Variants in ELMO2 observed in about 807,000 individuals in gnomAD.
ELMO2 encodes engulfment and cell motility protein 2.
Under a neutral mutation model 96.2 loss-of-function variants are expected in ELMO2, and 37 were observed. That is an observed-to-expected ratio of 0.38 (90% confidence interval 0.30 to 0.51). The LOEUF (loss-of-function observed/expected upper bound fraction) is 0.51, where lower values mean the gene tolerates loss of function less well. Among genes scored for constraint, ELMO2 ranks in the 20% least tolerant of loss-of-function variants. ELMO2 has a pLI of 0.88. For missense variants in ELMO2, 561 were observed against 912.6 expected (o/e 0.61, Z 4.96); for synonymous variants, 315 against 329.4 (o/e 0.96, Z 0.47).
intron 11 of ELMO2, chr20:46,376,686 T>A (rs1600836314): frequency 7.8e-7 from 1 of 1,289,476 alleles, no homozygotes; most frequent in East Asian, 5.6e-5. Context: ...TATTTGTCAC[T>A]CCCTCTGTCT....
chr20:46,393,334 C>T (rs2060187036), intron 5 of ELMO2, among the ~76,000 whole-genome samples, 191 bp from the exon 6 acceptor site: 1 of 152,194 alleles, frequency 6.6e-6, no homozygotes, highest in African/African-American at 2.4e-5. Flanking sequence ...CCTGGGCACT[C>T]AGGAAGTAAA....
chr20:46,370,652 C>T (rs551445133), intron 19 of ELMO2, 127 bp from the exon 20 acceptor site: 5 of 837,358 alleles, frequency 6.0e-6, no homozygotes, highest in Admixed American at 4.3e-5. Context: ...CCAAGGGCTG[C>T]TGTATGAGCT....
At position 46,389,060 on chromosome 20, in the gene ELMO2, C is replaced by T; in HGVS notation, c.404G>A (p.Ser135Asn). 1 of 1,613,972 alleles carries T rather than the reference C, an allele frequency of 6.2e-7. No homozygotes were observed. The highest frequency in any genetic ancestry group is 1.1e-5 in the South Asian group (1 of 91,072). Residue 135 changes from serine to asparagine, a missense_variant, in exon 7 of 22, where the codon AGT becomes AAT. Physicochemically the swap from Ser to Asn is conservative, Grantham distance 46. Transcript: ENST00000290246. ...TCACTGGGACAAGAGCTTGGTTCCA[C>T]TTTCCACGAGCCTTGTCAGCACAAT... Reference protein sequence around the residue: ...GIIVLTRLVESGTKLLSHYSE... With the variant: ...GIIVLTRLVENGTKLLSHYSE...
At chr20:46,392,427 T>C (rs2060166518) in intron 6 of ELMO2, among the ~76,000 whole-genome samples, 1 of 152,242 alleles carries the variant, frequency 6.6e-6, no homozygotes, top group African/African-American at 2.4e-5. Context: ...CTTATTAGCC[T>C]CTTCAAAGGT....
chr20:46,368,997 G>A (rs920023712), intron 20 of ELMO2, 29 bp from the exon 21 acceptor site: 8 of 1,607,142 alleles, frequency 5.0e-6, no homozygotes, highest in East Asian at 4.5e-5. Flanking sequence ...AAATTAGAGC[G>A]ATGGAACAGC....
intron 4 of ELMO2, 78 bp from the exon 5 acceptor site, chr20:46,393,679 G>A: frequency 6.7e-7 from 1 of 1,481,878 alleles, no homozygotes; most frequent in Non-Finnish European, 9.4e-7. Context: ...TTTCAAAAGA[G>A]TTGCTCAAGG....
At position 46,393,153 on chromosome 20, in the gene ELMO2, G is replaced by A. The variant is rs762933530; in HGVS notation, c.193-10C>T. On this transcript the variant is annotated splice_polypyrimidine_tract_variant and intron_variant, in intron 5 of 21. Transcript: ENST00000290246. The stretch of plus-strand genomic sequence containing the variant: ...TAATGTCACTGCGAGTCTGGGTAGT[G>A]AAAAATAAACAAAAAAAGTAACTAA... The A allele has an allele frequency of 1.2e-6, 2 of 1,613,606 alleles. No individual in the cohort carries two copies. The highest frequency in any genetic ancestry group is 2.2e-5 in the East Asian group (1 of 44,870).
chr20:46,387,988 T>C (rs1457777190), intron 7 of ELMO2, among the ~76,000 whole-genome samples: 1 of 152,268 alleles, frequency 6.6e-6, no homozygotes, highest in Non-Finnish European at 1.5e-5. Flanking sequence ...AAAGCTCTTA[T>C]TCTAGTGCTG....
At position 46,368,963 on chromosome 20, in the gene ELMO2, C is replaced by A; in HGVS notation, c.1890G>T (p.Val630=). 6.2e-7 allele frequency: 1 copy of A among 1,614,190 alleles called. No homozygotes were observed. The highest frequency in any genetic ancestry group is 1.1e-5 in the South Asian group (1 of 91,088). Residue 630 remains valine, a synonymous_variant, in exon 21 of 22, where the codon GTG becomes GTT. Transcript: ENST00000290246. ...ACAGGATGGAGAAGGCCAATTCCAA[C>A]ACCTCCTGAAGGAGAAAGGGTTTAA... ...EKSALKQNKE[V]LELAFSILYD...
rs1423016393 is a variant in ELMO2, at chr20:46,387,258, G to A, written c.525+80C>T. ...ATAAAGCTGATCTCACCAGAATGGC[G>A]ATATTGCCTGTATCTCCCCTTAAGC... On this transcript the variant is annotated intron_variant, in intron 8 of 21. Coordinates refer to ENST00000290246, the MANE Select transcript of ELMO2 (RefSeq NM_133171.5). The A allele has an allele frequency of 6.6e-6, 8 of 1,221,018 alleles. No individual in the cohort carries two copies. The East Asian group carries it at 1.4e-4, about 22-fold the overall frequency. The allele number at this position is 1,221,018 out of a possible 1,614,324, so 75.6% of individuals were successfully genotyped here.
chr20:46,394,491 A>G lies in ELMO2; in HGVS notation c.-9T>C, dbSNP rs745679546. 1.8e-5 allele frequency: 29 copies of G among 1,614,010 alleles called. No homozygotes were observed. Among genetic ancestry groups the G allele is most frequent in the Admixed American group, 8.3e-5 (5 of 60,000 alleles). On this transcript the variant is annotated 5_prime_UTR_variant, in exon 3 of 22. Coordinates refer to ENST00000290246, the MANE Select transcript of ELMO2 (RefSeq NM_133171.5). The stretch of plus-strand genomic sequence containing the variant: ...TCTGACGGTGGTGGCATCGTTCCCA[A>G]TGGGCTCTAATTCTGCGAGACAAAA...
At chr20:46,380,133 T>C (rs1055114592) in intron 11 of ELMO2, 120 bp downstream of exon 11, 2 of 828,936 alleles carry the variant, frequency 2.4e-6, no homozygotes, top group African/African-American at 3.4e-5. Context: ...TATTTACCTA[T>C]TGATAAGGTT....
At chr20:46,402,443 A>C (rs2060351910) in intron 1 of ELMO2, among the ~76,000 whole-genome samples, 1 of 152,268 alleles carries the variant, frequency 6.6e-6, no homozygotes, top group African/African-American at 2.4e-5. Flanking sequence ...ATTTACAAAA[A>C]GTCAGTGTTT....
At chr20:46,378,995 G>A (rs993494305) in intron 11 of ELMO2, among the ~76,000 whole-genome samples, 4 of 151,952 alleles carry the variant, frequency 2.6e-5, no homozygotes, top group Non-Finnish European at 4.4e-5. Context: ...TGATAAAGTT[G>A]CCTCCTTTTT....
Position 46,393,073 on chromosome 20 carries a change from A to G in ELMO2, c.243+20T>C, listed in dbSNP as rs779005708. 1.9e-6 allele frequency: 3 copies of G among 1,611,150 alleles called. No homozygotes were observed. The Admixed American group carries it at 5.0e-5, about 27-fold the overall frequency. The stretch of plus-strand genomic sequence containing the variant: ...TTGTTTGTGACATGAATAAACTCCT[A>G]AGGAAGAAAGAATACCTACCGGGGA... On this transcript the variant is annotated intron_variant, in intron 6 of 21. Transcript: ENST00000290246.
intron 1 of ELMO2, among the ~76,000 whole-genome samples, chr20:46,404,619 T>G (rs1193828579): frequency 6.6e-6 from 1 of 152,220 alleles, no homozygotes; most frequent in Non-Finnish European, 1.5e-5. Context: ...TGTGTGACAC[T>G]GTACAGCCCA....
At chr20:46,394,578 T>C in intron 2 of ELMO2, 46 bp from the exon 3 acceptor site, 1 of 1,377,390 alleles carries the variant, frequency 7.3e-7, no homozygotes, top group Non-Finnish European at 1.0e-6. Context: ...ATTTCTTCAT[T>C]TTTCACTCTT....
intron 1 of ELMO2, among the ~76,000 whole-genome samples, chr20:46,405,252 G>A (rs2060409938): frequency 1.3e-5 from 2 of 152,194 alleles, no homozygotes; most frequent in Admixed American, 6.5e-5. Flanking sequence ...GTGGGGTACT[G>A]GTCGAAAAGT....
intron 7 of ELMO2, among the ~76,000 whole-genome samples, chr20:46,388,278 T>G (rs1424985173): frequency 2.0e-5 from 3 of 152,224 alleles, no homozygotes; most frequent in Admixed American, 2.0e-4. Context: ...GCTTCAGGAC[T>G]TCAATACAGC....
Sources: gnomAD v4.1 joint callset for allele counts (sites outside exome capture counted in the v4.1 genomes callset) on GRCh38, gnomAD v4.1.1 for gene constraint, MANE v1.5 for transcripts, NCBI Gene and HGNC (gene_info 2026-07-23, HGNC 2026-07-21) for gene names.